Variants in CYTH3 observed in about 807,000 individuals in gnomAD.
The protein encoded by CYTH3 is cytohesin 3.
In CYTH3, 23 loss-of-function variants were observed where a neutral mutation model predicts 55.1. The ratio of observed to expected loss-of-function variants is 0.42; its 90% confidence interval spans 0.30 to 0.59. The LOEUF is 0.59. CYTH3 is among the 20% of genes least tolerant of loss of function. CYTH3 has a pLI of 0.20. For synonymous variants in CYTH3, 249 were observed against 194.9 expected, an observed-to-expected ratio of 1.28 and a Z score of -2.31; for missense variants, 413 against 524.8, an observed-to-expected ratio of 0.79 and a Z score of 2.08.
chr7:6,236,660 G>GC (rs1284406415), intron 1 of CYTH3, among the ~76,000 whole-genome samples: 5 of 151,734 alleles, frequency 3.3e-5, no homozygotes, highest in African/African-American at 9.7e-5. Context: ...CTGGGTTCAA[G>GC]CAATTCTCCT....
chr7:6,199,355 G>A (rs916930999), intron 1 of CYTH3, among the ~76,000 whole-genome samples: 2 of 152,126 alleles, frequency 1.3e-5, no homozygotes, highest in African/African-American at 4.8e-5. Flanking sequence ...TGAAATGATG[G>A]GGGTAGAAAA....
intron 1 of CYTH3, among the ~76,000 whole-genome samples, chr7:6,207,949 TG>T (rs1257131371): frequency 7.4e-6 from 1 of 134,646 alleles, no homozygotes; most frequent in East Asian, 2.3e-4. Flanking sequence ...GACCCTGTCT[TG>T]GGGGGGTGGG....
intron 1 of CYTH3, among the ~76,000 whole-genome samples, chr7:6,244,596 C>T (rs560436761): frequency 6.6e-6 from 1 of 152,272 alleles, no homozygotes; most frequent in Admixed American, 6.5e-5. Flanking sequence ...TCCTGAGTAG[C>T]TGGGACTACC....
intron 4 of CYTH3, among the ~76,000 whole-genome samples, chr7:6,182,653 C>T (rs899439801): frequency 6.6e-6 from 1 of 152,064 alleles, no homozygotes; most frequent in African/African-American, 2.4e-5. Context: ...ACTACAGGTG[C>T]ATACCACCAT....
At chr7:6,190,249 T>C (rs544206119) in intron 2 of CYTH3, among the ~76,000 whole-genome samples, 200 bp downstream of exon 2, 1 of 152,162 alleles carries the variant, frequency 6.6e-6, no homozygotes, top group South Asian at 2.1e-4. Context: ...GTGGAGTCTT[T>C]GCTTTCCCAA....
At chr7:6,272,410 G>GGGGGGGGGCCCCCCCCC in intron 1 of CYTH3, 64 bp downstream of exon 1, 2 of 1,216,618 alleles carry the variant, frequency 1.6e-6, no homozygotes, top group Non-Finnish European at 2.1e-6. Context: ...CCGCGCCCTC[G>GGGGGGGGGCCCCCCCCC]ACCCCCAGCC....
intron 1 of CYTH3, among the ~76,000 whole-genome samples, chr7:6,265,137 C>T (rs906188802): frequency 3.3e-5 from 5 of 151,724 alleles, no homozygotes; most frequent in African/African-American, 7.3e-5. Flanking sequence ...AGGGAGGAAA[C>T]GGGAGAGGAG....
chr7:6,204,789 T>C (rs1305564864), intron 1 of CYTH3, among the ~76,000 whole-genome samples: 1 of 152,210 alleles, frequency 6.6e-6, no homozygotes, highest in African/African-American at 2.4e-5. Flanking sequence ...ATGTTTCCTG[T>C]ATCGAACTAT....
In CYTH3 at chr7:6,170,884, G is replaced by A; in HGVS notation, c.657C>T (p.Ile219=). 3 of 1,613,730 alleles carry A rather than the reference G, an allele frequency of 1.9e-6. No individual in the cohort carries two copies. Among genetic ancestry groups the A allele is most frequent in the Non-Finnish European group, 1.7e-6 (2 of 1,179,812 alleles). The change falls in exon 8 of 13, where the codon ATC becomes ATT. Residue 219 remains isoleucine, a synonymous_variant. Transcript: ENST00000350796. This position sits in a 1 kb window ranked among gnomAD's most constrained non-coding sequence, Gnocchi z 7.8. ...CCTCGTTGATGCCGCGGTTCATGGCGATGAACCGTTCTGCCGTGGGCTTGT... is the reference window on the plus strand; with the variant it reads ...CCTCGTTGATGCCGCGGTTCATGGCAATGAACCGTTCTGCCGTGGGCTTGT... ...VRDKPTAERF[I]AMNRGINEGG...
In CYTH3 at chr7:6,171,450, G is replaced by A. The variant is rs1333683393; in HGVS notation, c.450-136C>T. 3.3e-5 allele frequency: 23 copies of A among 686,686 alleles called. No homozygotes were observed. The highest frequency in any genetic ancestry group is 5.5e-5 in the East Asian group (2 of 36,606). The allele number at this position is 686,686 out of a possible 1,614,324, so 42.5% of individuals were successfully genotyped here. A position where few individuals can be genotyped will look rare whatever the true frequency, so the allele number is the denominator to read the frequency against. On this transcript the variant is annotated intron_variant, in intron 6 of 12. Transcript: ENST00000350796. The surrounding 1 kb of genome is among the most constrained non-coding windows in gnomAD (Gnocchi z 6.7). ...ACAGCTCTGGCAGGGGCTTGGGGGC[G>A]CAGAGACAGAAAGGAGAAGACCCAG... is the stretch of plus-strand genomic sequence containing the variant.
intron 1 of CYTH3, among the ~76,000 whole-genome samples, chr7:6,271,378 C>T (rs990359790): frequency 6.6e-6 from 1 of 152,158 alleles, no homozygotes; most frequent in Non-Finnish European, 1.5e-5. Flanking sequence ...TTCTTACAGG[C>T]AGCTGCACCG....
chr7:6,170,345 T>G lies in CYTH3; in HGVS notation c.823+190A>C, dbSNP rs1583733322. 1.7e-6 allele frequency: 1 copy of G among 594,798 alleles called. No individual in the cohort carries two copies. Among genetic ancestry groups the G allele is most frequent in the East Asian group, 2.9e-5 (1 of 34,482 alleles). The allele number at this position is 594,798 out of a possible 1,614,324, so 36.8% of individuals were successfully genotyped here. A position where few individuals can be genotyped will look rare whatever the true frequency, so the allele number is the denominator to read the frequency against. ...CTACTCTCTGCCGCGGGCATGGCTC[T>G]GAGGCCCCGGCTCGGAGAAGCAGCC... On this transcript the variant is annotated intron_variant, in intron 9 of 12. Transcript: ENST00000350796. This position sits in a 1 kb window ranked among gnomAD's most constrained non-coding sequence, Gnocchi z 7.8.
rs916325749 is a variant in CYTH3 at position 6,162,015 on chromosome 7, A to G, written c.*2929T>C. On this transcript the variant is annotated 3_prime_UTR_variant, in exon 13 of 13. Coordinates refer to ENST00000350796, the MANE Select transcript of CYTH3 (RefSeq NM_004227.4). ...AATAGAAATATTTTCTAAGAAAAAAAGTCAATTTGTGGTTTCTGGTCTACC... is the reference window on the plus strand; with the variant it reads ...AATAGAAATATTTTCTAAGAAAAAAGGTCAATTTGTGGTTTCTGGTCTACC... The G allele has an allele frequency of 6.5e-6, 1 of 152,688 alleles. No individual in the cohort carries two copies. Among genetic ancestry groups the G allele is most frequent in the Non-Finnish European group, 1.5e-5 (1 of 68,054 alleles). The allele number at this position is 152,688 out of a possible 1,614,324, so 9.5% of individuals were successfully genotyped here.
chr7:6,183,768 C>T (rs971442351), intron 4 of CYTH3, among the ~76,000 whole-genome samples: 4 of 152,050 alleles, frequency 2.6e-5, no homozygotes, highest in African/African-American at 9.7e-5. Context: ...AAGCCCAAAC[C>T]CCCACTGTGA....
At chr7:6,208,710 T>C (rs1370873861) in intron 1 of CYTH3, among the ~76,000 whole-genome samples, 2 of 152,052 alleles carry the variant, frequency 1.3e-5, no homozygotes, top group African/African-American at 4.8e-5. Flanking sequence ...TATCCAACTA[T>C]TTTTTATTTT....
chr7:6,265,307 G>A (rs375742389), intron 1 of CYTH3, among the ~76,000 whole-genome samples: 16 of 149,822 alleles, frequency 1.1e-4, no homozygotes, highest in African/African-American at 2.3e-4. Flanking sequence ...TTTACTATCC[G>A]GCCCTTTTAT....
At chr7:6,179,106 A>T (rs895841218) in intron 4 of CYTH3, among the ~76,000 whole-genome samples, 1 of 152,344 alleles carries the variant, frequency 6.6e-6, no homozygotes, top group East Asian at 1.9e-4. Flanking sequence ...ACGAACGTCC[A>T]CAGCAGCCTT....
In CYTH3 at chr7:6,244,728, G is replaced by T. The variant is rs570432561; in HGVS notation, c.34+27746C>A. On this transcript the variant is annotated intron_variant, in intron 1 of 12. Coordinates refer to ENST00000350796, the MANE Select transcript of CYTH3 (RefSeq NM_004227.4). ...AACTTTAATGGTCAAAACCTTGAAA[G>T]AAAGTTTCTTAAATGTTTTCAGTCA... is the stretch of plus-strand genomic sequence containing the variant. Among the ~76,000 whole-genome samples the T allele has an allele frequency of 1.9e-4, 29 of 152,196 alleles. No homozygotes were observed. The South Asian group carries it at 2.9e-3, about 15-fold the overall frequency.
intron 1 of CYTH3, among the ~76,000 whole-genome samples, chr7:6,197,253 G>A (rs991509396): frequency 6.6e-6 from 1 of 152,132 alleles, no homozygotes; most frequent in Non-Finnish European, 1.5e-5. Flanking sequence ...GAATTTCCAC[G>A]TCTAAAAGAA....
Sources: gnomAD v4.1 joint callset for allele counts (sites outside exome capture counted in the v4.1 genomes callset) on GRCh38, gnomAD v4.1.1 for gene constraint, Gnocchi (gnomAD v3.1) non-coding constraint, MANE v1.5 for transcripts, NCBI Gene and HGNC (gene_info 2026-07-23, HGNC 2026-07-21) for gene names.